The following TDRD3 variants were observed in gnomAD, a reference collection of about 807,000 sequenced individuals.
TDRD3 encodes the protein tudor domain containing 3.
A neutral mutation model predicts 86.7 loss-of-function variants in TDRD3; 45 were observed. The ratio of observed to expected loss-of-function variants is 0.52; its 90% confidence interval spans 0.41 to 0.67. The LOEUF (loss-of-function observed/expected upper bound fraction) is 0.67, where lower values mean the gene tolerates loss of function less well. Ranked by LOEUF, TDRD3 falls within the 30% of genes least tolerant of loss-of-function variation. The pLI, the probability that TDRD3 is intolerant of heterozygous loss-of-function variation, is 0.00. For synonymous variants in TDRD3, 298 were observed against 301.7 expected (o/e 0.99, Z 0.13); for missense variants, 814 against 889.0 (o/e 0.92, Z 1.07).
chr13:60,475,093 A>G (rs1198872215), intron 5 of TDRD3, among the ~76,000 whole-genome samples: 1 of 135,480 alleles, frequency 7.4e-6, no homozygotes, highest in South Asian at 2.4e-4. Flanking sequence ...TTTTCTTCCT[A>G]TTTTTATTTT....
chr13:60,486,756 T>G (rs1956447602), intron 7 of TDRD3, among the ~76,000 whole-genome samples: 1 of 152,190 alleles, frequency 6.6e-6, no homozygotes, highest in African/African-American at 2.4e-5. Flanking sequence ...TCTCCCACTG[T>G]CCCTTAACGT....
At chr13:60,513,650 T>C (rs1445694505) in intron 10 of TDRD3, among the ~76,000 whole-genome samples, 1 of 152,146 alleles carries the variant, frequency 6.6e-6, no homozygotes, top group Non-Finnish European at 1.5e-5. Flanking sequence ...GGGCAAGTCT[T>C]TCCCGAGATG....
chr13:60,540,033 TA>T (rs1203393849), intron 12 of TDRD3, among the ~76,000 whole-genome samples: 1 of 152,136 alleles, frequency 6.6e-6, no homozygotes, highest in African/African-American at 2.4e-5. Context: ...TAGTATTTAG[TA>T]AACAATACAA....
At chr13:60,556,559 G>A (rs1958189929) in intron 12 of TDRD3, among the ~76,000 whole-genome samples, 1 of 152,110 alleles carries the variant, frequency 6.6e-6, no homozygotes. Context: ...TTCATTTGAT[G>A]GCAAGCACAA....
intron 12 of TDRD3, among the ~76,000 whole-genome samples, chr13:60,562,520 C>T (rs2137965314): frequency 6.6e-6 from 1 of 152,280 alleles, no homozygotes; most frequent in South Asian, 2.1e-4. Context: ...ATATGAAAAT[C>T]AGTTTACACT....
intron 12 of TDRD3, among the ~76,000 whole-genome samples, chr13:60,541,915 C>T (rs1440919735): frequency 6.6e-6 from 1 of 151,008 alleles, no homozygotes; most frequent in Admixed American, 6.6e-5. Flanking sequence ...TTAGTAGAGA[C>T]AGGGTTTCTC....
chr13:60,557,227 A>AAT (rs1958211723), intron 12 of TDRD3, among the ~76,000 whole-genome samples: 2 of 149,400 alleles, frequency 1.3e-5, no homozygotes, highest in South Asian at 2.2e-4. Flanking sequence ...AAAAAAAAAA[A>AAT]GTAGTTCCTG....
At chr13:60,494,720 T>G in intron 8 of TDRD3, 145 bp downstream of exon 8, 1 of 660,248 alleles carries the variant, frequency 1.5e-6, no homozygotes, top group Non-Finnish European at 2.2e-6. Context: ...GGATTACAAT[T>G]AAATCATTAA....
At chr13:60,502,234 G>A (rs971222044) in intron 8 of TDRD3, among the ~76,000 whole-genome samples, 2 of 152,180 alleles carry the variant, frequency 1.3e-5, no homozygotes, top group African/African-American at 4.8e-5. Context: ...TATTGATCCA[G>A]ATTTTTACAT....
At chr13:60,397,923 C>T (rs1387778498) in intron 1 of TDRD3, among the ~76,000 whole-genome samples, 3 of 152,154 alleles carry the variant, frequency 2.0e-5, no homozygotes, top group Non-Finnish European at 4.4e-5. Context: ...CTCTTCTTAC[C>T]CCTTATTTCA....
Position 60,485,787 on chromosome 13 carries a change from T to G in TDRD3, c.568-12T>G. 6.4e-7 allele frequency: 1 copy of G among 1,557,442 alleles called. No individual in the cohort carries two copies. The highest frequency in any genetic ancestry group is 8.7e-7 in the Non-Finnish European group (1 of 1,154,382). On this transcript the variant is annotated splice_polypyrimidine_tract_variant and intron_variant, in intron 6 of 13. Coordinates refer to ENST00000377881, the MANE Select transcript of TDRD3 (RefSeq NM_001146070.2). Reference sequence around the variant, plus strand: ...AACTACTAAGTTGACTTATTCTTACTTGTTTTACTAGAAGTGTGTATCTCA... The same window carrying G: ...AACTACTAAGTTGACTTATTCTTACGTGTTTTACTAGAAGTGTGTATCTCA...
intron 5 of TDRD3, among the ~76,000 whole-genome samples, chr13:60,478,613 GTCAA>G (rs1225247610): frequency 6.6e-6 from 1 of 151,602 alleles, no homozygotes; most frequent in Non-Finnish European, 1.5e-5. Context: ...TCCACAGTCT[GTCAA>G]TCTTAGTTTA....
intron 13 of TDRD3, 82 bp from the exon 14 acceptor site, chr13:60,573,534 T>G (rs1405446766): frequency 3.6e-6 from 3 of 844,788 alleles, no homozygotes; most frequent in Admixed American, 6.2e-5. Flanking sequence ...CAGATAAGTT[T>G]CAGCAGAAAT....
chr13:60,549,944 T>C (rs1490079223), intron 12 of TDRD3, among the ~76,000 whole-genome samples: 1 of 152,122 alleles, frequency 6.6e-6, no homozygotes, highest in Non-Finnish European at 1.5e-5. Flanking sequence ...AACATACTTT[T>C]ATGATAATAT....
intron 8 of TDRD3, among the ~76,000 whole-genome samples, chr13:60,505,833 A>G (rs1402757421): frequency 6.6e-6 from 1 of 152,240 alleles, no homozygotes; most frequent in Non-Finnish European, 1.5e-5. Flanking sequence ...GATTAGAGAA[A>G]AAAGAATGAA....
chr13:60,514,355 A>G (rs2137684794), intron 10 of TDRD3, among the ~76,000 whole-genome samples: 1 of 152,296 alleles, frequency 6.6e-6, no homozygotes, highest in African/African-American at 2.4e-5. Flanking sequence ...AAAGTTTGGA[A>G]AATTTATGTT....
At chr13:60,416,013 T>C (rs192775665) in intron 1 of TDRD3, among the ~76,000 whole-genome samples, 251 of 152,340 alleles carry the variant, frequency 1.6e-3, no homozygotes, top group Non-Finnish European at 2.4e-3. Context: ...TAATAATGTT[T>C]ATTAGTGTTA....
intron 10 of TDRD3, among the ~76,000 whole-genome samples, chr13:60,512,370 C>T (rs779348032): frequency 1.3e-5 from 2 of 152,100 alleles, no homozygotes; most frequent in Admixed American, 6.5e-5. Flanking sequence ...CAAACCATAT[C>T]GTTCCACCCC....
chr13:60,514,824 G>A (rs79062464), intron 10 of TDRD3, among the ~76,000 whole-genome samples: 7,523 of 152,252 alleles, frequency 0.049, 200 homozygotes, highest in Non-Finnish European at 0.058. Context: ...GTTTATTTTG[G>A]TGCTTTAAGA....
Sources: gnomAD v4.1 joint callset for allele counts (sites outside exome capture counted in the v4.1 genomes callset) on GRCh38, gnomAD v4.1.1 for gene constraint, MANE v1.5 for transcripts, NCBI Gene and HGNC (gene_info 2026-07-23, HGNC 2026-07-21) for gene names.